The following ANO3 variants were observed in gnomAD, a reference collection of about 807,000 sequenced individuals.
ANO3 encodes the protein anoctamin 3.
Under a neutral mutation model 144.8 loss-of-function variants are expected in ANO3, and 99 were observed. That is an observed-to-expected ratio of 0.68 (90% CI 0.58 to 0.81). The LOEUF (loss-of-function observed/expected upper bound fraction) is 0.81. ANO3 is among the 30% of genes least tolerant of loss of function. The pLI is 0.00. For synonymous variants in ANO3, 414 were observed against 392.6 expected, an observed-to-expected ratio of 1.05 and a Z score of -0.64; for missense variants, 905 against 1,202.2, an observed-to-expected ratio of 0.75 and a Z score of 3.66.
At chr11:26,218,354 C>A (rs1031328573) in intron 1 of ANO3, among the ~76,000 whole-genome samples, 3 of 152,116 alleles carry the variant, frequency 2.0e-5, no homozygotes, top group African/African-American at 7.2e-5. Context: ...GTAATTATTT[C>A]TCTAATTTTT....
At chr11:26,198,332 A>G (rs1026665590) in intron 1 of ANO3, among the ~76,000 whole-genome samples, 2 of 152,050 alleles carry the variant, frequency 1.3e-5, no homozygotes, top group African/African-American at 2.4e-5. Context: ...CTTCCATGCT[A>G]TGGACTTCTG....
chr11:26,256,680 G>A (rs1036739695), intron 1 of ANO3, among the ~76,000 whole-genome samples: 1 of 152,100 alleles, frequency 6.6e-6, no homozygotes, highest in Non-Finnish European at 1.5e-5. Flanking sequence ...AATAATGTAT[G>A]TGAAAGCAAC....
chr11:26,235,533 A>G (rs905083588), intron 1 of ANO3, among the ~76,000 whole-genome samples: 4 of 151,940 alleles, frequency 2.6e-5, no homozygotes, highest in African/African-American at 9.7e-5. Context: ...ATGTGTTAAC[A>G]CATATTACTG....
intron 1 of ANO3, among the ~76,000 whole-genome samples, chr11:26,191,333 C>T (rs987618279): frequency 1.4e-5 from 2 of 145,692 alleles, no homozygotes; most frequent in South Asian, 2.1e-4. Context: ...TATATACACA[C>T]ATACACACAC....
intron 18 of ANO3, among the ~76,000 whole-genome samples, chr11:26,631,579 C>CA (rs1474755983): frequency 2.0e-5 from 3 of 151,790 alleles, no homozygotes; most frequent in Non-Finnish European, 4.4e-5. Context: ...GATTAAACTT[C>CA]AAAAAATAAA....
intron 4 of ANO3, among the ~76,000 whole-genome samples, chr11:26,491,751 C>G (rs192129368): frequency 4.0e-4 from 61 of 152,230 alleles, no homozygotes; most frequent in African/African-American, 1.3e-3. Context: ...GAATTTTTAC[C>G]TACTTTTTCT....
chr11:26,539,403 A>ATGTC (rs1448565693), intron 10 of ANO3, among the ~76,000 whole-genome samples: 1 of 151,904 alleles, frequency 6.6e-6, no homozygotes, highest in East Asian at 1.9e-4. Flanking sequence ...AGAATGATGT[A>ATGTC]GCTGATTGAG....
At chr11:26,190,482 G>T (rs1047315101) in intron 1 of ANO3, among the ~76,000 whole-genome samples, 1 of 151,944 alleles carries the variant, frequency 6.6e-6, no homozygotes, top group African/African-American at 2.4e-5. Context: ...AAATTTCATA[G>T]AAGTAGGGAA....
chr11:26,283,321 A>AATATCTATATAT (rs1853722722), intron 1 of ANO3, among the ~76,000 whole-genome samples: 1 of 49,136 alleles, frequency 2.0e-5, no homozygotes, highest in Non-Finnish European at 4.0e-5. Flanking sequence ...CAAATAAATA[A>AATATCTATATAT]ATATATATAT....
intron 1 of ANO3, among the ~76,000 whole-genome samples, chr11:26,345,013 G>T (rs1855463999): frequency 6.6e-6 from 1 of 151,990 alleles, no homozygotes; most frequent in South Asian, 2.1e-4. Flanking sequence ...ACATAGACAA[G>T]GATATTCTGT....
chr11:26,403,538 A>T (rs2350207), intron 1 of ANO3, among the ~76,000 whole-genome samples: 129,316 of 151,846 alleles, frequency 0.85, 56,967 homozygotes, highest in South Asian at 0.95. Flanking sequence ...GATTTCCTCT[A>T]GCCCGGACTA....
chr11:26,621,167 C>T (rs968887581), intron 17 of ANO3, among the ~76,000 whole-genome samples: 2 of 152,138 alleles, frequency 1.3e-5, no homozygotes, highest in Non-Finnish European at 2.9e-5. Context: ...TTCTTTTTCT[C>T]CCTAACTGGT....
intron 5 of ANO3, among the ~76,000 whole-genome samples, chr11:26,510,705 T>G (rs375562987): frequency 6.6e-6 from 1 of 152,230 alleles, no homozygotes; most frequent in Non-Finnish European, 1.5e-5. Context: ...ACAGTCAGTA[T>G]AGGAGTCAGA....
intron 2 of ANO3, 111 bp downstream of exon 2, chr11:26,442,223 G>T: frequency 9.3e-7 from 1 of 1,074,142 alleles, no homozygotes; most frequent in Non-Finnish European, 1.3e-6. Flanking sequence ...CTTCAGGAAG[G>T]AGGCTGGCAT....
rs1359633036 is a variant in ANO3 at position 26,461,333 on chromosome 11, T to C, written c.314-1697T>C. 2.0e-5 allele frequency among the ~76,000 whole-genome samples: 3 copies of C among 152,224 alleles called. No individual in the cohort carries two copies. In the East Asian group the frequency reaches 5.8e-4, roughly 29 times the overall value. ...CCAGATTGTGCATTTTAAAGTTTTC[T>C]GTGTTGATCATTCTTCCTCCAGTTT... is the stretch of plus-strand genomic sequence containing the variant. On this transcript the variant is annotated intron_variant, in intron 3 of 26. Transcript: ENST00000256737.
intron 11 of ANO3, among the ~76,000 whole-genome samples, chr11:26,545,682 T>A (rs751778983): frequency 2.7e-5 from 4 of 150,658 alleles, no homozygotes; most frequent in Non-Finnish European, 5.9e-5. Context: ...AATTATATCA[T>A]TGAATGAAAT....
At chr11:26,195,376 T>C (rs1010005170) in intron 1 of ANO3, among the ~76,000 whole-genome samples, 1 of 152,200 alleles carries the variant, frequency 6.6e-6, no homozygotes, top group Admixed American at 6.5e-5. Context: ...GTTATGTATG[T>C]ACCAGAAATT....
In ANO3 at chr11:26,508,281, T is replaced by C. The variant is rs541340564; in HGVS notation, c.591+19T>C. 15 of 1,566,912 alleles carry C rather than the reference T, an allele frequency of 9.6e-6. No homozygotes were observed. The South Asian group carries it at 1.6e-4, about 17-fold the overall frequency. Reference sequence around the variant, plus strand: ...GAAGGAGGTAGGTGCTTTACTATTATTAGTTATGTGATAAAATGTGTTGGA... The same window carrying C: ...GAAGGAGGTAGGTGCTTTACTATTACTAGTTATGTGATAAAATGTGTTGGA... On this transcript the variant is annotated intron_variant, in intron 5 of 26. Coordinates refer to ENST00000256737, the MANE Select transcript of ANO3 (RefSeq NM_031418.4).
chr11:26,424,559 G>A (rs1318023547), intron 1 of ANO3, among the ~76,000 whole-genome samples: 1 of 151,958 alleles, frequency 6.6e-6, no homozygotes, highest in Non-Finnish European at 1.5e-5. Flanking sequence ...TTCTATCTGT[G>A]TACCTCCCCT....
Sources: gnomAD v4.1 joint callset for allele counts (sites outside exome capture counted in the v4.1 genomes callset) on GRCh38, gnomAD v4.1.1 for gene constraint, MANE v1.5 for transcripts, NCBI Gene and HGNC (gene_info 2026-07-23, HGNC 2026-07-21) for gene names.